INPP5D: variants seen among roughly 807,000 people sequenced by gnomAD.
INPP5D encodes phosphatidylinositol 3,4,5-trisphosphate 5-phosphatase 1.
INPP5D carries 33 observed loss-of-function variants against 122.9 expected under a neutral mutation model. That is an observed-to-expected ratio of 0.27 (90% CI 0.20 to 0.36). INPP5D has a LOEUF of 0.36. Among genes scored for constraint, INPP5D ranks in the 10% least tolerant of loss-of-function variants. INPP5D has a pLI of 1.00. For synonymous variants in INPP5D, 584 were observed against 576.2 expected (o/e 1.01, Z -0.19); for missense variants, 1,053 against 1,412.7 (o/e 0.75, Z 4.08).
intron 25 of INPP5D, among the ~76,000 whole-genome samples, chr2:233,199,906 A>G (rs1046047986): frequency 6.6e-6 from 1 of 152,222 alleles, no homozygotes; most frequent in Non-Finnish European, 1.5e-5. Flanking sequence ...CCTGTGGAAC[A>G]GGGTGGGAGT....
chr2:233,108,575 C>A (rs899601370), intron 2 of INPP5D, among the ~76,000 whole-genome samples: 2 of 152,158 alleles, frequency 1.3e-5, no homozygotes, highest in African/African-American at 4.8e-5. Context: ...TTTCTCTCCC[C>A]CCAAGTGCAG....
At chr2:233,080,458 C>T (rs941443702) in intron 2 of INPP5D, among the ~76,000 whole-genome samples, 7 of 145,442 alleles carry the variant, frequency 4.8e-5, no homozygotes, top group African/African-American at 1.3e-4. Context: ...TGTGTGTGCA[C>T]GTGACAGAGA....
intron 1 of INPP5D, among the ~76,000 whole-genome samples, chr2:233,069,065 G>A (rs1395149937): frequency 6.6e-6 from 1 of 152,208 alleles, no homozygotes; most frequent in Non-Finnish European, 1.5e-5. Context: ...TCCATGACGG[G>A]GGTACTCAGG....
At chr2:233,169,260 G>A in intron 13 of INPP5D, 45 bp from the exon 14 acceptor site, 1 of 1,557,790 alleles carries the variant, frequency 6.4e-7, no homozygotes, top group Admixed American at 1.9e-5. Context: ...CTTGGCAAGT[G>A]TGTCTGTTTG....
chr2:233,113,589 C>T (rs1349853251), intron 2 of INPP5D, among the ~76,000 whole-genome samples: 1 of 152,080 alleles, frequency 6.6e-6, no homozygotes, highest in African/African-American at 2.4e-5. Flanking sequence ...CAAATCTGTC[C>T]CCCAGCCCCA....
intron 18 of INPP5D, among the ~76,000 whole-genome samples, chr2:233,180,635 G>T (rs1012955343): frequency 6.6e-6 from 1 of 152,142 alleles, no homozygotes; most frequent in Non-Finnish European, 1.5e-5. Context: ...AGCCTCCCAG[G>T]TTCAAGTGAT....
chr2:233,142,572 A>G (rs2106275208), intron 6 of INPP5D, among the ~76,000 whole-genome samples: 1 of 152,256 alleles, frequency 6.6e-6, no homozygotes, highest in South Asian at 2.1e-4. Flanking sequence ...TGGTTACTTG[A>G]GGACTGCTGG....
chr2:233,201,798 T>C (rs899035007), intron 25 of INPP5D, among the ~76,000 whole-genome samples: 9 of 152,128 alleles, frequency 5.9e-5, no homozygotes, highest in African/African-American at 2.2e-4. Flanking sequence ...CTTAGCTGCT[T>C]TGGAGATGAG....
intron 24 of INPP5D, 116 bp downstream of exon 24, chr2:233,195,611 C>T: frequency 6.6e-7 from 1 of 1,510,788 alleles, no homozygotes. Flanking sequence ...CTTTGGGAGG[C>T]CAAGGCTGGA....
At chr2:233,119,525 C>T (rs999567537) in intron 2 of INPP5D, among the ~76,000 whole-genome samples, 3 of 152,106 alleles carry the variant, frequency 2.0e-5, no homozygotes, top group African/African-American at 7.2e-5. Context: ...TAACACGGGG[C>T]TTTGTGAAAA....
At chr2:233,120,391 A>G (rs1045174924) in intron 2 of INPP5D, among the ~76,000 whole-genome samples, 35 of 152,290 alleles carry the variant, frequency 2.3e-4, no homozygotes, top group African/African-American at 7.9e-4. Context: ...GGCTGAGGCC[A>G]GAAAATTGCT....
intron 9 of INPP5D, among the ~76,000 whole-genome samples, chr2:233,157,431 A>AT (rs1694083916): frequency 7.0e-6 from 1 of 141,982 alleles, no homozygotes; most frequent in South Asian, 2.1e-4. Context: ...ATTAGAAACA[A>AT]TAAAAAAAAA....
intron 4 of INPP5D, among the ~76,000 whole-genome samples, chr2:233,130,063 G>A (rs561071760): frequency 6.6e-6 from 1 of 152,222 alleles, no homozygotes; most frequent in Admixed American, 6.5e-5. Flanking sequence ...CACCACACCC[G>A]GCTAATTTTT....
chr2:233,184,115 G>T (rs563983740), intron 19 of INPP5D, among the ~76,000 whole-genome samples: 1 of 152,074 alleles, frequency 6.6e-6, no homozygotes, highest in South Asian at 2.1e-4. Flanking sequence ...AAATAGTGGG[G>T]GTATTGCCTG....
At chr2:233,200,319 G>A (rs1001133857) in intron 25 of INPP5D, among the ~76,000 whole-genome samples, 2 of 152,270 alleles carry the variant, frequency 1.3e-5, no homozygotes, top group Non-Finnish European at 2.9e-5. Context: ...AGTAGCCACA[G>A]GATGACAGAC....
intron 2 of INPP5D, among the ~76,000 whole-genome samples, chr2:233,095,730 AG>A (rs772107758): frequency 3.6e-5 from 5 of 137,154 alleles, no homozygotes; most frequent in Admixed American, 7.4e-5. Flanking sequence ...TACATTTAAA[AG>A]TTATATCTCA....
rs182796419 is a variant in INPP5D at position 233,127,131 on chromosome 2, C to T, written c.524+1212C>T. 2.6e-3 allele frequency among the ~76,000 whole-genome samples: 390 copies of T among 152,332 alleles called. 2 individuals carry two copies. Among genetic ancestry groups the T allele is most frequent in the African/African-American group, 8.9e-3 (370 of 41,574 alleles). ...GCCCCTCCATCCTGGTTATGGGGTT[C>T]TGCCTCAGTGGGACCAGCAGGGGCG... On this transcript the variant is annotated intron_variant, in intron 4 of 26. Transcript: ENST00000445964.
At chr2:233,180,684 G>A (rs112285126) in intron 18 of INPP5D, among the ~76,000 whole-genome samples, 9,974 of 152,084 alleles carry the variant, frequency 0.066, 370 homozygotes, top group Middle Eastern at 0.11. Context: ...GATTACAGGC[G>A]CCCACCACCA....
At chr2:233,122,332 C>A (rs948523299) in intron 3 of INPP5D, 75 bp downstream of exon 3, 16 of 1,459,388 alleles carry the variant, frequency 1.1e-5, no homozygotes, top group Non-Finnish European at 1.4e-5. Flanking sequence ...TGCTTGTAGA[C>A]TAGGTGAGTC....
Sources: gnomAD v4.1 joint callset for allele counts (sites outside exome capture counted in the v4.1 genomes callset) on GRCh38, gnomAD v4.1.1 for gene constraint, MANE v1.5 for transcripts, NCBI Gene and HGNC (gene_info 2026-07-23, HGNC 2026-07-21) for gene names.